Variants in NTNG1 observed in about 807,000 individuals in gnomAD.
NTNG1 encodes netrin G1.
In NTNG1, 16 loss-of-function variants were observed where a neutral mutation model predicts 54.0. That is an observed-to-expected ratio of 0.30 (90% CI 0.20 to 0.45). The LOEUF is 0.45. Among genes scored for constraint, NTNG1 ranks in the 20% least tolerant of loss-of-function variants. The pLI is 1.00. For synonymous variants in NTNG1, 255 were observed against 263.1 expected (o/e 0.97, Z 0.30); for missense variants, 530 against 678.7 (o/e 0.78, Z 2.43).
rs551779967 is a variant in NTNG1, at chr1:107,212,791, C to CA, written c.246+63953dup. The stretch of plus-strand genomic sequence containing the variant: ...AGATACCAGGAAGGGGTGTCTTACT[C>CA]AGTGTAGGAGAAAGGGAAGGAAACT... On this transcript the variant is annotated intron_variant, in intron 2 of 7. Coordinates refer to ENST00000370068, the MANE Select transcript of NTNG1 (RefSeq NM_001113226.3). Among the ~76,000 whole-genome samples, 119 of 152,180 alleles carry CA rather than the reference C, an allele frequency of 7.8e-4. No individual in the cohort carries two copies. In the South Asian group the frequency reaches 0.023, roughly 30 times the overall value.
chr1:107,326,642 C>G (rs970800226), intron 3 of NTNG1, among the ~76,000 whole-genome samples: 1 of 152,020 alleles, frequency 6.6e-6, no homozygotes, highest in East Asian at 1.9e-4. Flanking sequence ...CTAGTGTAAT[C>G]TACATTGCTC....
At chr1:107,382,851 C>T (rs897496260) in intron 3 of NTNG1, among the ~76,000 whole-genome samples, 8 of 150,058 alleles carry the variant, frequency 5.3e-5, no homozygotes, top group African/African-American at 2.0e-4. Flanking sequence ...CAAAAGTAGG[C>T]CACCAAATAA....
intron 2 of NTNG1, among the ~76,000 whole-genome samples, chr1:107,261,561 G>A (rs770785780): frequency 1.3e-5 from 2 of 152,084 alleles, no homozygotes; most frequent in Non-Finnish European, 2.9e-5. Flanking sequence ...AAGATAACTA[G>A]GGCCAGGAGC....
rs540428104 is a variant in NTNG1 at position 107,146,533 on chromosome 1, C to T, written c.-525-1536C>T. 2.2e-3 allele frequency among the ~76,000 whole-genome samples: 328 copies of T among 151,988 alleles called. 1 individual carries two copies. The highest frequency in any genetic ancestry group is 7.4e-3 in the African/African-American group (307 of 41,524). On this transcript the variant is annotated intron_variant, in intron 1 of 7. Coordinates refer to ENST00000370068, the MANE Select transcript of NTNG1 (RefSeq NM_001113226.3). ...GCTTCTCTGATTTTTTTCTTTTTAG[C>T]TTAAGATTTCAAAATGGGCTTTACC...
chr1:107,293,713 A>G (rs1665766101), intron 2 of NTNG1, among the ~76,000 whole-genome samples: 3 of 152,184 alleles, frequency 2.0e-5, no homozygotes. Context: ...TGTAAGGATT[A>G]AATGAGATAA....
rs1678766903 is a variant in NTNG1 at position 107,482,154 on chromosome 1, C to G, written c.*1314C>G. 1 of 149,274 alleles carries G rather than the reference C, an allele frequency of 6.7e-6. No homozygotes were observed. Among genetic ancestry groups the G allele is most frequent in the South Asian group, 2.1e-4 (1 of 4,678 alleles). The allele number at this position is 149,274 out of a possible 1,614,324, so 9.2% of individuals were successfully genotyped here. On this transcript the variant is annotated 3_prime_UTR_variant, in exon 8 of 8. Transcript: ENST00000370068. The stretch of plus-strand genomic sequence containing the variant: ...AAGAGACTTTTATTTTTAAGTCATG[C>G]TATTTTCACAGATTGATGGTGATCA...
chr1:107,346,623 T>C (rs547641019), intron 3 of NTNG1, among the ~76,000 whole-genome samples: 6 of 152,132 alleles, frequency 3.9e-5, no homozygotes, highest in Non-Finnish European at 7.4e-5. Context: ...ATATCCAAGA[T>C]AAAATGTTCA....
Position 107,365,481 on chromosome 1 carries a change from T to C in NTNG1, c.888-29673T>C, listed in dbSNP as rs200243718. The stretch of plus-strand genomic sequence containing the variant: ...AGAAGTTAAAGGATAATAAAAAAAA[T>C]TGTACACATGAATATATATATTCAT... On this transcript the variant is annotated intron_variant, in intron 3 of 7. Coordinates refer to ENST00000370068, the MANE Select transcript of NTNG1 (RefSeq NM_001113226.3). 5.3e-5 allele frequency among the ~76,000 whole-genome samples: 8 copies of C among 152,222 alleles called. No homozygotes were observed. The East Asian group carries it at 1.5e-3, about 29-fold the overall frequency.
intron 2 of NTNG1, among the ~76,000 whole-genome samples, chr1:107,228,368 A>G (rs1476493575): frequency 6.6e-6 from 1 of 152,170 alleles, no homozygotes; most frequent in Non-Finnish European, 1.5e-5. Flanking sequence ...TATGAAGTGT[A>G]TATATATAAT....
At chr1:107,169,334 T>C (rs1047359037) in intron 2 of NTNG1, among the ~76,000 whole-genome samples, 1 of 152,176 alleles carries the variant, frequency 6.6e-6, no homozygotes, top group Non-Finnish European at 1.5e-5. Context: ...TCTTTCATTA[T>C]TATTAAAGAT....
chr1:107,310,757 G>A (rs1379101165), intron 2 of NTNG1, among the ~76,000 whole-genome samples: 1 of 152,062 alleles, frequency 6.6e-6, no homozygotes, highest in Non-Finnish European at 1.5e-5. Context: ...GGAATAAGAA[G>A]ATAGAGTTGT....
intron 3 of NTNG1, among the ~76,000 whole-genome samples, chr1:107,348,672 A>G (rs1227223582): frequency 6.6e-6 from 1 of 152,058 alleles, no homozygotes; most frequent in East Asian, 1.9e-4. Context: ...AAATAAACTG[A>G]TTTCTGCTAT....
rs537244150 is a variant in NTNG1, at chr1:107,280,702, C to T, written c.247-43580C>T. On this transcript the variant is annotated intron_variant, in intron 2 of 7. Transcript: ENST00000370068. ...AGAGCTCGTTACTGGGCAGGTATTC[C>T]CACCTGGCAGGGAAACCTGCCAAAG... 5.3e-5 allele frequency among the ~76,000 whole-genome samples: 8 copies of T among 151,176 alleles called. No homozygotes were observed. In the South Asian group the frequency reaches 1.5e-3, roughly 28 times the overall value.
intron 2 of NTNG1, among the ~76,000 whole-genome samples, chr1:107,296,565 T>C (rs1435481292): frequency 6.7e-6 from 1 of 149,260 alleles, no homozygotes; most frequent in African/African-American, 2.4e-5. Context: ...AATATAAATA[T>C]ATACTACACA....
At chr1:107,387,487 G>A (rs1220400208) in intron 3 of NTNG1, among the ~76,000 whole-genome samples, 1 of 152,216 alleles carries the variant, frequency 6.6e-6, no homozygotes, top group African/African-American at 2.4e-5. Flanking sequence ...TAAGCCTAGA[G>A]GAAGCCTGGG....
chr1:107,470,445 T>G (rs1295329381), intron 7 of NTNG1, among the ~76,000 whole-genome samples: 2 of 152,220 alleles, frequency 1.3e-5, no homozygotes, highest in Non-Finnish European at 2.9e-5. Context: ...ATAAACACTG[T>G]TCACATTTTG....
chr1:107,157,673 C>T (rs1380824339), intron 2 of NTNG1, among the ~76,000 whole-genome samples: 1 of 151,800 alleles, frequency 6.6e-6, no homozygotes, highest in African/African-American at 2.4e-5. Context: ...TTTAAAGATG[C>T]ATTTATTGAG....
At position 107,300,953 on chromosome 1, in the gene NTNG1, T is replaced by C. The variant is rs538593781; in HGVS notation, c.247-23329T>C. Among the ~76,000 whole-genome samples the C allele has an allele frequency of 1.0e-3, 157 of 152,262 alleles. 1 individual carries two copies. Among genetic ancestry groups the C allele is most frequent in the Non-Finnish European group, 2.1e-3 (140 of 68,008 alleles). ...AAAAGAGATTTATAAATTCAAATAA[T>C]TGCAGTGTCTGAATAGATTCTTTCC... On this transcript the variant is annotated intron_variant, in intron 2 of 7. Coordinates refer to ENST00000370068, the MANE Select transcript of NTNG1 (RefSeq NM_001113226.3).
chr1:107,397,954 TC>T (rs1394688300), intron 4 of NTNG1, among the ~76,000 whole-genome samples: 2 of 152,006 alleles, frequency 1.3e-5, no homozygotes, highest in Admixed American at 6.6e-5. Flanking sequence ...ATTGGCTTTT[TC>T]TTACACATAT....
Sources: gnomAD v4.1 joint callset for allele counts (sites outside exome capture counted in the v4.1 genomes callset) on GRCh38, gnomAD v4.1.1 for gene constraint, MANE v1.5 for transcripts, NCBI Gene and HGNC (gene_info 2026-07-23, HGNC 2026-07-21) for gene names.